Variants in NUP210 observed in about 807,000 individuals in gnomAD.
The protein encoded by NUP210 is nuclear pore membrane glycoprotein 210.
In NUP210, 151 loss-of-function variants were observed where a neutral mutation model predicts 196.0. That is an observed-to-expected ratio of 0.77 (90% CI 0.67 to 0.88). NUP210 has a LOEUF of 0.88. Among genes scored for constraint, NUP210 ranks in the 40% least tolerant of loss-of-function variants. The pLI, the probability that NUP210 is intolerant of heterozygous loss-of-function variation, is 0.00. For missense variants in NUP210, 2,314 were observed against 2,493.7 expected, an observed-to-expected ratio of 0.93 and a Z score of 1.53; for synonymous variants, 1,070 against 1,052.7, an observed-to-expected ratio of 1.02 and a Z score of -0.32.
chr3:13,370,850 C>T (rs1031634878), intron 13 of NUP210, among the ~76,000 whole-genome samples: 11 of 152,242 alleles, frequency 7.2e-5, no homozygotes, highest in African/African-American at 2.4e-4. Flanking sequence ...GCTTCCTAAA[C>T]GCTGCCAGGA....
chr3:13,351,403 AG>A (rs1246411402), intron 20 of NUP210, among the ~76,000 whole-genome samples: 1 of 152,262 alleles, frequency 6.6e-6, no homozygotes, highest in African/African-American at 2.4e-5. Flanking sequence ...CAAATCACAA[AG>A]GTTTCATGAG....
At chr3:13,396,576 C>T (rs374120184) in intron 3 of NUP210, among the ~76,000 whole-genome samples, 2 of 147,006 alleles carry the variant, frequency 1.4e-5, no homozygotes, top group African/African-American at 2.5e-5. Flanking sequence ...GGTGAAAACC[C>T]GTTTCCACTA....
chr3:13,406,415 T>C (rs1700003501), intron 1 of NUP210, among the ~76,000 whole-genome samples: 1 of 151,896 alleles, frequency 6.6e-6, no homozygotes, highest in Non-Finnish European at 1.5e-5. Flanking sequence ...GCTAACACAG[T>C]CCCTGACCAG....
intron 21 of NUP210, 93 bp downstream of exon 21, chr3:13,343,082 G>T (rs1697577493): frequency 3.3e-6 from 5 of 1,496,526 alleles, no homozygotes; most frequent in Non-Finnish European, 4.6e-6. Flanking sequence ...AGGAGCAAAA[G>T]CAAAGGCCAT....
chr3:13,357,724 C>G (rs1698229925), intron 16 of NUP210, among the ~76,000 whole-genome samples: 1 of 152,162 alleles, frequency 6.6e-6, no homozygotes, highest in South Asian at 2.1e-4. Context: ...TGCTGTTAGA[C>G]AAGACTCCCA....
At position 13,341,981 on chromosome 3, in the gene NUP210, C is replaced by T. The variant is rs1371063998; in HGVS notation, c.3092+15G>A. On this transcript the variant is annotated intron_variant, in intron 22 of 39. Coordinates refer to ENST00000254508, the MANE Select transcript of NUP210 (RefSeq NM_024923.4). The stretch of plus-strand genomic sequence containing the variant: ...GTCTCTGAGGTGCCCTCCTCTGACC[C>T]CTAGGAGAACTCACACCAATGTAAT... The T allele has an allele frequency of 6.2e-7, 1 of 1,613,878 alleles. No individual in the cohort carries two copies. Among genetic ancestry groups the T allele is most frequent in the East Asian group, 2.2e-5 (1 of 44,894 alleles).
At chr3:13,368,720 T>C (rs1698624504) in intron 13 of NUP210, among the ~76,000 whole-genome samples, 1 of 152,252 alleles carries the variant, frequency 6.6e-6, no homozygotes, top group Non-Finnish European at 1.5e-5. Context: ...CTGAGCATGA[T>C]GTCTTCAAGG....
intron 14 of NUP210, among the ~76,000 whole-genome samples, chr3:13,363,154 C>T (rs971320769): frequency 1.4e-4 from 22 of 152,274 alleles, no homozygotes; most frequent in East Asian, 5.8e-4. Context: ...GACTAGCACA[C>T]GCTCAATCAA....
intron 16 of NUP210, among the ~76,000 whole-genome samples, chr3:13,357,412 C>T (rs1321807026): frequency 6.6e-6 from 1 of 152,248 alleles, no homozygotes; most frequent in Non-Finnish European, 1.5e-5. Flanking sequence ...ATTTGTGCAT[C>T]TCCTGGTCTC....
intron 16 of NUP210, among the ~76,000 whole-genome samples, chr3:13,355,390 T>A (rs1698134331): frequency 6.6e-6 from 1 of 152,146 alleles, no homozygotes; most frequent in Non-Finnish European, 1.5e-5. Flanking sequence ...GCACCTGCCA[T>A]GATCAACATG....
intron 1 of NUP210, among the ~76,000 whole-genome samples, chr3:13,405,864 A>C (rs1699987176): frequency 6.6e-6 from 1 of 152,140 alleles, no homozygotes; most frequent in Non-Finnish European, 1.5e-5. Flanking sequence ...TTCCAGGAGC[A>C]TTTTCCTCAG....
At position 13,412,247 on chromosome 3, in the gene NUP210, T is replaced by TTTTTTTTTTTTTTA. The variant is rs1553605356; in HGVS notation, c.167+7812_167+7813insTAAAAAAAAAAAAA. Among the ~76,000 whole-genome samples, 20 of 135,678 alleles carry TTTTTTTTTTTTTTA rather than the reference T, an allele frequency of 1.5e-4. 2 individuals carry two copies. Among genetic ancestry groups the TTTTTTTTTTTTTTA allele is most frequent in the African/African-American group, 2.6e-4 (8 of 30,706 alleles). The allele number at this position is 135,678 out of a possible 152,430, so 89.0% of individuals were successfully genotyped here. ...TTTCCTTTTCTTTTTTTTTTTTTTT[T>TTTTTTTTTTTTTTA]AGTAGAGACAGGGTTTCGCTATGTT... On this transcript the variant is annotated intron_variant, in intron 1 of 39. Coordinates refer to ENST00000254508, the MANE Select transcript of NUP210 (RefSeq NM_024923.4).
intron 5 of NUP210, among the ~76,000 whole-genome samples, chr3:13,387,566 G>A (rs938219682): frequency 1.4e-4 from 22 of 152,246 alleles, no homozygotes; most frequent in Admixed American, 2.6e-4. Flanking sequence ...TGAATCAGAA[G>A]AGGATTTCTC....
At chr3:13,330,782 C>T (rs545992352) in intron 29 of NUP210, 148 bp from the exon 30 acceptor site, 24 of 671,302 alleles carry the variant, frequency 3.6e-5, no homozygotes, top group African/African-American at 3.4e-4. Flanking sequence ...CTCAGGACCA[C>T]GTGCCGTCAG....
In NUP210 at chr3:13,340,369, T is replaced by C; in HGVS notation, c.3229-71A>G. The C allele has an allele frequency of 7.4e-7, 1 of 1,358,570 alleles. No individual in the cohort carries two copies. Among genetic ancestry groups the C allele is most frequent in the Non-Finnish European group, 1.0e-6 (1 of 953,086 alleles). The allele number at this position is 1,358,570 out of a possible 1,614,324, so 84.2% of individuals were successfully genotyped here. Reference sequence around the variant, plus strand: ...ATGGCGCCAAGCATAACTCACACACTACATGTTTCATGAGAGGAAAACCTG... The same window carrying C: ...ATGGCGCCAAGCATAACTCACACACCACATGTTTCATGAGAGGAAAACCTG... On this transcript the variant is annotated intron_variant, in intron 23 of 39. Coordinates refer to ENST00000254508, the MANE Select transcript of NUP210 (RefSeq NM_024923.4). The surrounding 1 kb of genome is among the most constrained non-coding windows in gnomAD (Gnocchi z 4.0).
At chr3:13,346,888 C>A (rs1464739120) in intron 20 of NUP210, among the ~76,000 whole-genome samples, 1 of 152,228 alleles carries the variant, frequency 6.6e-6, no homozygotes, top group African/African-American at 2.4e-5. Context: ...ATGAAAATCA[C>A]AGGCACTGAG....
At chr3:13,372,411 G>C (rs1024271722) in intron 12 of NUP210, among the ~76,000 whole-genome samples, 2 of 152,212 alleles carry the variant, frequency 1.3e-5, no homozygotes, top group African/African-American at 4.8e-5. Flanking sequence ...CCATGGTGAG[G>C]AATCAGTGTT....
At chr3:13,338,095 C>T (rs1315594889) in intron 25 of NUP210, among the ~76,000 whole-genome samples, 178 bp from the exon 26 acceptor site, 1 of 152,214 alleles carries the variant, frequency 6.6e-6, no homozygotes, top group African/African-American at 2.4e-5. Context: ...GTGGCTCTCC[C>T]CTCATGGGCC....
At position 13,388,707 on chromosome 3, in the gene NUP210, C is replaced by T. The variant is rs537089733; in HGVS notation, c.534-254G>A. 5.3e-5 allele frequency among the ~76,000 whole-genome samples: 8 copies of T among 152,372 alleles called. No homozygotes were observed. The East Asian group carries it at 1.5e-3, about 29-fold the overall frequency. ...CTTTGTCTCCAAGATGCCTGGGAAT[C>T]TGCATTTTATCCACACGCACACGTG... On this transcript the variant is annotated intron_variant, in intron 4 of 39. Coordinates refer to ENST00000254508, the MANE Select transcript of NUP210 (RefSeq NM_024923.4).
Sources: gnomAD v4.1 joint callset for allele counts (sites outside exome capture counted in the v4.1 genomes callset) on GRCh38, gnomAD v4.1.1 for gene constraint, Gnocchi (gnomAD v3.1) non-coding constraint, MANE v1.5 for transcripts, NCBI Gene and HGNC (gene_info 2026-07-23, HGNC 2026-07-21) for gene names.